RNF225: variants seen among roughly 807,000 people sequenced by gnomAD.
RNF225 encodes ring finger protein 225.
For missense variants in RNF225, 510 were observed against 509.8 expected (o/e 1.00, Z 0.00); for synonymous variants, 295 against 260.4 (o/e 1.13, Z -1.28).
chr19:58,396,425 C>T lies in RNF225; in HGVS notation c.336C>T (p.Arg112=), dbSNP rs2052399593. The T allele has an allele frequency of 2.0e-6, 3 of 1,483,672 alleles. No homozygotes were observed. In the East Asian group the frequency reaches 8.2e-5, roughly 41 times the overall value. The allele number at this position is 1,483,672 out of a possible 1,614,324, so 91.9% of individuals were successfully genotyped here. The change falls in exon 1 of 1, where the codon CGC becomes CGT. Residue 112 remains arginine (R), a synonymous_variant. Transcript: ENST00000601382. ...ACGCGGTGGCCTGTCCGGTGTGCCGCGCGCCCACGCGCCTGGCCCCCCGCC... is the reference window on the plus strand; with the variant it reads ...ACGCGGTGGCCTGTCCGGTGTGCCGTGCGCCCACGCGCCTGGCCCCCCGCC... ...GGNAVACPVC[R]APTRLAPRRG... is the part of the protein sequence containing the mutation.
chr19:58,396,952 G>T lies in RNF225; in HGVS notation c.863G>T (p.Gly288Val). The change falls in exon 1 of 1, where the codon GGC (glycine) becomes GTC (valine). Residue 288 changes from glycine (G) to valine (V), a missense_variant. Physicochemically the swap from Gly to Val is moderately radical, Grantham distance 109. Transcript: ENST00000601382. ...GAAGATGCGCTGGAGCCCGAGGCGG[G>T]CCCCGAGGACCCGGCGGAGGCCGAG... ...TAEDALEPEA[G>V]PEDPAEAERT... The T allele has an allele frequency of 6.5e-7, 1 of 1,534,158 alleles. No individual in the cohort carries two copies. The highest frequency in any genetic ancestry group is 8.7e-7 in the Non-Finnish European group (1 of 1,146,406).
chr19:58,395,985 G>A lies in RNF225; in HGVS notation c.-105G>A. On this transcript the variant is annotated 5_prime_UTR_variant, in exon 1 of 1. Transcript: ENST00000601382. ...TCTGTACTGGGGGATCCTCTCTAAA[G>A]TACAGTCCCCAGTCTTCCCTGGATT... is the stretch of plus-strand genomic sequence containing the variant. 2 of 1,177,972 alleles carry A rather than the reference G, an allele frequency of 1.7e-6. No individual in the cohort carries two copies. Among genetic ancestry groups the A allele is most frequent in the Non-Finnish European group, 2.3e-6 (2 of 865,072 alleles). The allele number at this position is 1,177,972 out of a possible 1,614,324, so 73.0% of individuals were successfully genotyped here.
At position 58,396,692 on chromosome 19, in the gene RNF225, C is replaced by G. The variant is rs1257380921; in HGVS notation, c.603C>G (p.Ala201=). The G allele has an allele frequency of 2.7e-6, 4 of 1,494,554 alleles. No homozygotes were observed. Among genetic ancestry groups the G allele is most frequent in the Non-Finnish European group, 3.5e-6 (4 of 1,129,878 alleles). The allele number at this position is 1,494,554 out of a possible 1,614,324, so 92.6% of individuals were successfully genotyped here. Residue 201 remains alanine (A), a synonymous_variant, in exon 1 of 1, where the codon GCC becomes GCG. Transcript: ENST00000601382. ...LASPAWVFNA[A]VALAVLVAAG... is the part of the protein sequence containing the mutation. ...GCCCGGCCTGGGTCTTCAACGCTGC[C>G]GTGGCGCTGGCGGTGCTGGTGGCCG...
chr19:58,396,142 C>G lies in RNF225; in HGVS notation c.53C>G (p.Ser18Trp). The change falls in exon 1 of 1, where the codon TCG becomes TGG. Residue 18 changes from serine to tryptophan, a missense_variant. Transcript: ENST00000601382. ...WLRHSRAPQG[S>W]GPSSPGSLSA... ...CGCCATTCCCGGGCCCCCCAGGGCTCGGGTCCCAGCTCCCCAGGCTCGCTC... is the reference window on the plus strand; with the variant it reads ...CGCCATTCCCGGGCCCCCCAGGGCTGGGGTCCCAGCTCCCCAGGCTCGCTC... 6.5e-7 allele frequency: 1 copy of G among 1,533,338 alleles called. No homozygotes were observed. The allele number at this position is 1,533,338 out of a possible 1,614,324, so 95.0% of individuals were successfully genotyped here.
In RNF225 at chr19:58,396,322, C is replaced by A. The variant is rs1263763423; in HGVS notation, c.233C>A (p.Pro78His). The A allele has an allele frequency of 3.3e-6, 5 of 1,535,760 alleles. No homozygotes were observed. The South Asian group carries it at 5.9e-5, about 18-fold the overall frequency. The change falls in exon 1 of 1, where the codon CCC becomes CAC. Residue 78 changes from proline (P) to histidine (H), a missense_variant. Transcript: ENST00000601382. Reference sequence around the variant, plus strand: ...TCCTTCGACGGCGTGTTCAAGCTGCCCAAGCGCCTGGACTGCGGCCACGTC... The same window carrying A: ...TCCTTCGACGGCGTGTTCAAGCTGCACAAGCGCCTGGACTGCGGCCACGTC... ...VSSFDGVFKL[P>H]KRLDCGHVFC...
In RNF225 at chr19:58,396,230, C is replaced by T. The variant is rs777258792; in HGVS notation, c.141C>T (p.Asp47=). The T allele has an allele frequency of 1.1e-5, 17 of 1,541,852 alleles. No individual in the cohort carries two copies. The highest frequency in any genetic ancestry group is 1.5e-5 in the Non-Finnish European group (17 of 1,150,716). Residue 47 remains aspartate, a synonymous_variant, in exon 1 of 1, where the codon GAC becomes GAT. Coordinates refer to ENST00000601382, the MANE Select transcript of RNF225 (RefSeq NM_001195135.2). ...AGGAGGAGGAGGAGGAGGAAGGGGACGGCAGCCCAGGCTCCGGCCCTATCC... is the reference window on the plus strand; with the variant it reads ...AGGAGGAGGAGGAGGAGGAAGGGGATGGCAGCCCAGGCTCCGGCCCTATCC... ...DQEEEEEEEG[D]GSPGSGPILP...
In RNF225 at chr19:58,395,966, C is replaced by G; in HGVS notation, c.-124C>G. ...CCTTCTCGGGATGGGGTGCTCTGTA[C>G]TGGGGGATCCTCTCTAAAGTACAGT... is the stretch of plus-strand genomic sequence containing the variant. On this transcript the variant is annotated 5_prime_UTR_variant, in exon 1 of 1. Coordinates refer to ENST00000601382, the MANE Select transcript of RNF225 (RefSeq NM_001195135.2). 9.8e-7 allele frequency: 1 copy of G among 1,017,898 alleles called. No homozygotes were observed. Among genetic ancestry groups the G allele is most frequent in the Non-Finnish European group, 1.4e-6 (1 of 721,304 alleles). 63.1% of individuals were successfully genotyped at this position (1,017,898 alleles called of 1,614,324 possible). A position where few individuals can be genotyped will look rare whatever the true frequency, so the allele number is the denominator to read the frequency against.
chr19:58,395,970 G>T lies in RNF225; in HGVS notation c.-120G>T. 1.1e-5 allele frequency: 11 copies of T among 1,044,814 alleles called. No homozygotes were observed. The South Asian group carries it at 1.7e-4, about 16-fold the overall frequency. The allele number at this position is 1,044,814 out of a possible 1,614,324, so 64.7% of individuals were successfully genotyped here. ...CTCGGGATGGGGTGCTCTGTACTGG[G>T]GGATCCTCTCTAAAGTACAGTCCCC... On this transcript the variant is annotated 5_prime_UTR_variant, in exon 1 of 1. Transcript: ENST00000601382.
In RNF225 at chr19:58,396,308, C is replaced by T. The variant is rs769108534; in HGVS notation, c.219C>T (p.Gly73=). ...TCATCTGCGTGTCGTCCTTCGACGG[C>T]GTGTTCAAGCTGCCCAAGCGCCTGG... ...ECLICVSSFD[G]VFKLPKRLDC... The change falls in exon 1 of 1, where the codon GGC becomes GGT. Residue 73 remains glycine, a synonymous_variant. Transcript: ENST00000601382. 1.3e-6 allele frequency: 2 copies of T among 1,535,816 alleles called. No homozygotes were observed. The highest frequency in any genetic ancestry group is 2.4e-5 in the East Asian group (1 of 40,898).
Position 58,396,908 on chromosome 19 carries a change from G to C in RNF225, c.819G>C (p.Thr273=). 1.3e-6 allele frequency: 2 copies of C among 1,533,888 alleles called. No individual in the cohort carries two copies. The highest frequency in any genetic ancestry group is 8.7e-7 in the Non-Finnish European group (1 of 1,146,144). ...GCCCCACGGGCCCTGACCTGGACAC[G>C]GCCCTGCCAGGAACTGCAGAAGATG... The part of the protein sequence containing the change: ...TPRPTGPDLD[T]ALPGTAEDAL... Residue 273 remains threonine, a synonymous_variant, in exon 1 of 1, where the codon ACG becomes ACC. Transcript: ENST00000601382.
In RNF225 at chr19:58,396,041, C is replaced by G. The variant is rs141122147; in HGVS notation, c.-49C>G. ...CTGGTCTCAGAACCCGCTCCAGGCT[C>G]CACCGCCTCCTTCCCTGCCTGACCT... On this transcript the variant is annotated 5_prime_UTR_variant, in exon 1 of 1. Coordinates refer to ENST00000601382, the MANE Select transcript of RNF225 (RefSeq NM_001195135.2). The G allele has an allele frequency of 3.4e-6, 5 of 1,462,138 alleles. No individual in the cohort carries two copies. The highest frequency in any genetic ancestry group is 4.5e-6 in the Non-Finnish European group (5 of 1,113,888). 90.6% of individuals were successfully genotyped at this position (1,462,138 alleles called of 1,614,324 possible). A position where few individuals can be genotyped will look rare whatever the true frequency, so the allele number is the denominator to read the frequency against.
Position 58,396,179 on chromosome 19 carries a change from C to T in RNF225, c.90C>T (p.Arg30=). The T allele has an allele frequency of 6.5e-7, 1 of 1,539,256 alleles. No individual in the cohort carries two copies. Among genetic ancestry groups the T allele is most frequent in the Non-Finnish European group, 8.7e-7 (1 of 1,149,260 alleles). The change falls in exon 1 of 1, where the codon CGC becomes CGT. Residue 30 remains arginine, a synonymous_variant. Coordinates refer to ENST00000601382, the MANE Select transcript of RNF225 (RefSeq NM_001195135.2). ...CCCCAGGCTCGCTCTCTGCGCCCCG[C>T]TCCCCAAGCAGAGGGGAAGACCAGG... is the stretch of plus-strand genomic sequence containing the variant. ...PSSPGSLSAP[R]SPSRGEDQEE...
In RNF225 at chr19:58,396,596, G is replaced by C; in HGVS notation, c.507G>C (p.Lys169Asn). The stretch of plus-strand genomic sequence containing the variant: ...CGCCGCCCCCGCCCGGGCCGCGCAA[G>C]GCCCGCGCCCCGCCGCCCCCGCCGC... The part of the protein sequence containing the change: ...RPPPPPPGPR[K>N]ARAPPPPPPL... The change falls in exon 1 of 1, where the codon AAG becomes AAC. Residue 169 changes from lysine to asparagine, a missense_variant. Coordinates refer to ENST00000601382, the MANE Select transcript of RNF225 (RefSeq NM_001195135.2). 9.0e-7 allele frequency: 1 copy of C among 1,112,562 alleles called. No individual in the cohort carries two copies. Among genetic ancestry groups the C allele is most frequent in the Non-Finnish European group, 1.1e-6 (1 of 915,188 alleles). 68.9% of individuals were successfully genotyped at this position (1,112,562 alleles called of 1,614,324 possible).
rs2052402211 is a variant in RNF225, at chr19:58,396,653, C to CT, written c.566dup (p.Leu189PhefsTer82). Reference sequence around the variant, plus strand: ...GCCTGGGCCGCCCGCTGTCGCGCCGCTTGTCGCTGGCCAGCCCGGCCTGGG... The same window carrying CT: ...GCCTGGGCCGCCCGCTGTCGCGCCGCTTTGTCGCTGGCCAGCCCGGCCTGGG... On this transcript the variant is annotated frameshift_variant, in exon 1 of 1. Coordinates refer to ENST00000601382, the MANE Select transcript of RNF225 (RefSeq NM_001195135.2). LOFTEE classifies it low-confidence loss of function (END_TRUNC). 2.1e-6 allele frequency: 3 copies of CT among 1,431,730 alleles called. No individual in the cohort carries two copies. The highest frequency in any genetic ancestry group is 2.7e-6 in the Non-Finnish European group (3 of 1,099,508). 88.7% of individuals were successfully genotyped at this position (1,431,730 alleles called of 1,614,324 possible).
chr19:58,396,755 C>A lies in RNF225; in HGVS notation c.666C>A (p.Leu222=). Residue 222 remains leucine (L), a synonymous_variant, in exon 1 of 1, where the codon CTC becomes CTA. Transcript: ENST00000601382. Reference sequence around the variant, plus strand: ...TCTCGGGCGTCTACATCTTCTTCCTCATCCCGCACGCCACCTCCTCCGGCC... The same window carrying A: ...TCTCGGGCGTCTACATCTTCTTCCTAATCCCGCACGCCACCTCCTCCGGCC... The part of the protein sequence containing the change: ...LVVSGVYIFF[L]IPHATSSGPP... The A allele has an allele frequency of 3.3e-6, 5 of 1,513,940 alleles. No homozygotes were observed. The highest frequency in any genetic ancestry group is 4.4e-6 in the Non-Finnish European group (5 of 1,138,418). 93.8% of individuals were successfully genotyped at this position (1,513,940 alleles called of 1,614,324 possible).
Position 58,396,411 on chromosome 19 carries a change from T to C in RNF225, c.322T>C (p.Cys108Arg). 2 of 1,521,194 alleles carry C rather than the reference T, an allele frequency of 1.3e-6. No individual in the cohort carries two copies. Among genetic ancestry groups the C allele is most frequent in the Admixed American group, 4.0e-5 (2 of 49,638 alleles). 94.2% of individuals were successfully genotyped at this position (1,521,194 alleles called of 1,614,324 possible). Residue 108 changes from cysteine to arginine, a missense_variant, in exon 1 of 1, where the codon TGT becomes CGT. By Grantham distance (180) the Cys-to-Arg change is radical (BLOSUM62 -3). Coordinates refer to ENST00000601382, the MANE Select transcript of RNF225 (RefSeq NM_001195135.2). Reference sequence around the variant, plus strand: ...GGCGGGCGGCGGCAACGCGGTGGCCTGTCCGGTGTGCCGCGCGCCCACGCG... The same window carrying C: ...GGCGGGCGGCGGCAACGCGGTGGCCCGTCCGGTGTGCCGCGCGCCCACGCG... ...ATAGGGNAVACPVCRAPTRLA... is the reference protein window; with the variant it reads ...ATAGGGNAVARPVCRAPTRLA...
Position 58,396,236 on chromosome 19 carries a change from C to T in RNF225, c.147C>T (p.Ser49=). 2 of 1,540,944 alleles carry T rather than the reference C, an allele frequency of 1.3e-6. No individual in the cohort carries two copies. The highest frequency in any genetic ancestry group is 1.2e-5 in the South Asian group (1 of 84,422). The change falls in exon 1 of 1, where the codon AGC becomes AGT. Residue 49 remains serine, a synonymous_variant. Transcript: ENST00000601382. ...EEEEEEEGDG[S]PGSGPILPPA... is the part of the protein sequence containing the mutation. ...AGGAGGAGGAGGAAGGGGACGGCAGCCCAGGCTCCGGCCCTATCCTGCCCC... is the reference window on the plus strand; with the variant it reads ...AGGAGGAGGAGGAAGGGGACGGCAGTCCAGGCTCCGGCCCTATCCTGCCCC...
Position 58,396,794 on chromosome 19 carries a change from G to C in RNF225, c.705G>C (p.Gln235His). ...HATSSGPPRP[Q>H]LVALAPAPGF... ...CCTCCTCCGGCCCCCCGCGGCCCCA[G>C]CTCGTGGCGCTCGCTCCAGCGCCTG... The change falls in exon 1 of 1, where the codon CAG becomes CAC. Residue 235 changes from glutamine to histidine, a missense_variant. Physicochemically the swap from Gln to His is conservative, Grantham distance 24. Transcript: ENST00000601382. 6.6e-7 allele frequency: 1 copy of C among 1,519,702 alleles called. No individual in the cohort carries two copies. Among genetic ancestry groups the C allele is most frequent in the Non-Finnish European group, 8.8e-7 (1 of 1,140,852 alleles). The allele number at this position is 1,519,702 out of a possible 1,614,324, so 94.1% of individuals were successfully genotyped here.
Position 58,396,441 on chromosome 19 carries a change from G to GC in RNF225, c.358dup (p.Arg120ProfsTer151), listed in dbSNP as rs1370796785. Reference sequence around the variant, plus strand: ...GGTGTGCCGCGCGCCCACGCGCCTGGCCCCCCGCCGCGGACTCCCCGCGTT... The same window carrying GC: ...GGTGTGCCGCGCGCCCACGCGCCTGGCCCCCCCGCCGCGGACTCCCCGCGTT... On this transcript the variant is annotated frameshift_variant, in exon 1 of 1. Transcript: ENST00000601382. LOFTEE classifies it low-confidence loss of function (END_TRUNC). The GC allele has an allele frequency of 2.1e-6, 3 of 1,425,772 alleles. No individual in the cohort carries two copies. Among genetic ancestry groups the GC allele is most frequent in the South Asian group, 1.5e-5 (1 of 67,750 alleles). 88.3% of individuals were successfully genotyped at this position (1,425,772 alleles called of 1,614,324 possible).
Sources: allele counts gnomAD v4.1 joint callset, GRCh38; gene constraint gnomAD v4.1.1; transcripts MANE v1.5; gene names NCBI Gene and HGNC (gene_info 2026-07-23, HGNC 2026-07-21).